Variants in HEPH observed in about 807,000 individuals in gnomAD.
HEPH encodes the protein hephaestin.
HEPH carries 69 observed loss-of-function variants against 80.8 expected under a neutral mutation model. The observed-to-expected ratio is 0.85, with a 90% CI of 0.70 to 1.04. The LOEUF (loss-of-function observed/expected upper bound fraction) is 1.04. Ranked by LOEUF, HEPH falls within the 50% of genes least tolerant of loss-of-function variation. The pLI is 0.00. For synonymous variants in HEPH, 431 were observed against 322.8 expected (o/e 1.34, Z -3.60); for missense variants, 1,115 against 891.3 (o/e 1.25, Z -3.20).
intron 12 of HEPH, 28 bp downstream of exon 12, chrX:66,200,780 G>A: frequency 8.9e-7 from 1 of 1,129,156 alleles, no homozygotes; most frequent in Non-Finnish European, 1.2e-6. Context: ...TGGCCCTAGA[G>A]GCTTTGTTGG....
In HEPH at chrX:66,254,377, A is replaced by G. The variant is rs2091103442; in HGVS notation, c.2564-658A>G. Reference sequence around the variant, plus strand: ...ATTAAAGTTTTGAGTCTGAGTAAGTAAAAGAGTGATAATGTTATTTCTAGA... The same window carrying G: ...ATTAAAGTTTTGAGTCTGAGTAAGTGAAAGAGTGATAATGTTATTTCTAGA... On this transcript the variant is annotated intron_variant, in intron 15 of 20. Transcript: ENST00000343002. Among the ~76,000 whole-genome samples, 3 of 111,728 alleles carry G rather than the reference A, an allele frequency of 2.7e-5. No individual in the cohort carries two copies. The Admixed American group carries it at 2.9e-4, about 11-fold the overall frequency.
chrX:66,252,655 T>C (rs906094191), intron 15 of HEPH, among the ~76,000 whole-genome samples: 1 of 111,744 alleles, frequency 8.9e-6, no homozygotes, highest in Non-Finnish European at 1.9e-5. Flanking sequence ...CAAAACAATG[T>C]TAAAAAAGAA....
chrX:66,199,026 A>G lies in HEPH; in HGVS notation c.1862A>G (p.His621Arg). The G allele has an allele frequency of 8.3e-7, 1 of 1,210,166 alleles. No homozygotes were observed. Among genetic ancestry groups the G allele is most frequent in the African/African-American group, 1.7e-5 (1 of 57,811 alleles). ...GGCTTCCAAGACTCCAATCGGATGCATGGTATGGGGAGTACTTTTGCCCTG... is the reference window on the plus strand; with the variant it reads ...GGCTTCCAAGACTCCAATCGGATGCGTGGTATGGGGAGTACTTTTGCCCTG... ...IEGFQDSNRMHAINGFLFSNL... is the reference protein window; with the variant it reads ...IEGFQDSNRMRAINGFLFSNL... Residue 621 changes from histidine (H) to arginine (R), a missense_variant and splice_region_variant, in exon 11 of 21, where the codon CAT (histidine) becomes CGT (arginine). His to Arg is a conservative substitution (Grantham distance 29). Transcript: ENST00000343002.
intron 16 of HEPH, among the ~76,000 whole-genome samples, chrX:66,255,627 A>G (rs1175982639): frequency 9.0e-6 from 1 of 111,643 alleles, no homozygotes; most frequent in Non-Finnish European, 1.9e-5. Flanking sequence ...TAGGCATTTT[A>G]CTTGGTGCTT....
chrX:66,162,817 A>G (rs1337997321), upstream of HEPH: 1 of 1,153,451 alleles, frequency 8.7e-7, no homozygotes, highest in African/African-American at 1.8e-5. Flanking sequence ...GAAGAGGAAA[A>G]TGTGCCCAGC....
chrX:66,178,508 A>T (rs1235058826), intron 4 of HEPH, among the ~76,000 whole-genome samples: 1 of 112,552 alleles, frequency 8.9e-6, no homozygotes, highest in Admixed American at 9.4e-5. Flanking sequence ...TAGATCCTTG[A>T]GGAATCACCA....
chrX:66,208,290 G>A (rs780857911), intron 15 of HEPH, 44 bp downstream of exon 15: 13 of 1,148,206 alleles, frequency 1.1e-5, no homozygotes, highest in South Asian at 8.1e-5. Context: ...CATGCATCAC[G>A]TCTGCTTCAG....
chrX:66,225,336 C>CA (rs1385190613), intron 15 of HEPH, among the ~76,000 whole-genome samples: 1 of 111,762 alleles, frequency 8.9e-6, no homozygotes, highest in East Asian at 2.8e-4. Context: ...ACACACACCA[C>CA]AAAACAAAGA....
intron 2 of HEPH, among the ~76,000 whole-genome samples, 154 bp downstream of exon 2, chrX:66,170,891 G>A (rs2086568254): frequency 8.9e-6 from 1 of 111,816 alleles, no homozygotes; most frequent in Admixed American, 9.5e-5. Flanking sequence ...TTCCTGGGAA[G>A]AAGGCTAGTT....
At chrX:66,177,726 T>A (rs1372186081) in intron 4 of HEPH, among the ~76,000 whole-genome samples, 1 of 111,904 alleles carries the variant, frequency 8.9e-6, no homozygotes, top group Non-Finnish European at 1.9e-5. Flanking sequence ...TTAGTTTTTC[T>A]CTTGATATTG....
intron 13 of HEPH, among the ~76,000 whole-genome samples, chrX:66,206,495 T>C (rs2088787719): frequency 9.6e-6 from 1 of 104,295 alleles, no homozygotes; most frequent in Non-Finnish European, 2.0e-5. Context: ...CCCAAGTAGC[T>C]GGGATTACGG....
chrX:66,209,141 A>G (rs890307786), intron 15 of HEPH, among the ~76,000 whole-genome samples: 2 of 112,120 alleles, frequency 1.8e-5, no homozygotes, highest in African/African-American at 6.5e-5. Flanking sequence ...TGATAGAAAC[A>G]GGTAAAACTG....
chrX:66,232,823 T>C (rs1288161876), intron 15 of HEPH, among the ~76,000 whole-genome samples: 1 of 111,193 alleles, frequency 9.0e-6, no homozygotes, highest in Non-Finnish European at 1.9e-5. Flanking sequence ...ATGCCAGATT[T>C]ACTTTTTTTA....
chrX:66,241,628 T>A, intron 15 of HEPH, among the ~76,000 whole-genome samples: 1 of 111,548 alleles, frequency 9.0e-6, no homozygotes, highest in Non-Finnish European at 1.9e-5. Flanking sequence ...TAGAGACCTA[T>A]GAAGATACTT....
At position 66,255,096 on chromosome X, in the gene HEPH, T is replaced by A. The variant is rs780362408; in HGVS notation, c.2625T>A (p.Ser875=). 4.1e-6 allele frequency: 5 copies of A among 1,205,935 alleles called. No individual in the cohort carries two copies. Residue 875 remains serine, a synonymous_variant, in exon 16 of 21, where the codon TCT becomes TCA. Transcript: ENST00000343002. ...GGTCTGGCCCTGGGCCCAATGACTC[T>A]GCTTGTGTTTCCTGGATCTATTATT... is the stretch of plus-strand genomic sequence containing the variant. The part of the protein sequence containing the change: ...PERSGPGPND[S]ACVSWIYYSA...
rs146682952 is a variant in HEPH at position 66,256,385 on chromosome X, G to A, written c.2896+55G>A. 375 of 902,441 alleles carry A rather than the reference G, an allele frequency of 4.2e-4. 1 individual carries two copies. In the African/African-American group the frequency reaches 6.4e-3, roughly 15 times the overall value. 74.4% of individuals were successfully genotyped at this position (902,441 alleles called of 1,213,427 possible). A position where few individuals can be genotyped will look rare whatever the true frequency, so the allele number is the denominator to read the frequency against. On this transcript the variant is annotated intron_variant, in intron 17 of 20. Coordinates refer to ENST00000343002, the MANE Select transcript of HEPH (RefSeq NM_001367233.3). The stretch of plus-strand genomic sequence containing the variant: ...AAAGCAGTCCCTACTGGTTACATGG[G>A]GATATTTAATAGGCCTATTGCTACC...
chrX:66,245,433 T>A (rs1414768049), intron 15 of HEPH, among the ~76,000 whole-genome samples: 1 of 111,672 alleles, frequency 9.0e-6, no homozygotes, highest in Admixed American at 9.5e-5. Context: ...GAGCTAACTA[T>A]CCTAAATATA....
intron 15 of HEPH, among the ~76,000 whole-genome samples, chrX:66,215,039 A>T (rs774210260): frequency 1.8e-5 from 2 of 111,636 alleles, no homozygotes; most frequent in South Asian, 7.4e-4. Flanking sequence ...ATTGCATTAA[A>T]TTTATAGATT....
intron 13 of HEPH, among the ~76,000 whole-genome samples, chrX:66,206,909 C>T (rs2088811431): frequency 9.1e-6 from 1 of 110,065 alleles, no homozygotes; most frequent in South Asian, 3.9e-4. Flanking sequence ...CCCAGCTACT[C>T]TGGAGGCTGA....
Sources: gnomAD v4.1 joint callset for allele counts (sites outside exome capture counted in the v4.1 genomes callset) on GRCh38, gnomAD v4.1.1 for gene constraint, MANE v1.5 for transcripts, NCBI Gene and HGNC (gene_info 2026-07-23, HGNC 2026-07-21) for gene names.